Variants in CNTNAP2 observed in about 807,000 individuals in gnomAD.
CNTNAP2 encodes the protein contactin associated protein 2, also known as contactin-associated protein-like 2.
A neutral mutation model predicts 155.2 loss-of-function variants in CNTNAP2; 98 were observed. That is an observed-to-expected ratio of 0.63 (90% CI 0.54 to 0.75). The LOEUF (loss-of-function observed/expected upper bound fraction) is 0.75, where lower values mean the gene tolerates loss of function less well. Ranked by LOEUF, CNTNAP2 falls within the 30% of genes least tolerant of loss-of-function variation. CNTNAP2 has a pLI of 0.00. For synonymous variants in CNTNAP2, 651 were observed against 631.2 expected, an observed-to-expected ratio of 1.03 and a Z score of -0.47; for missense variants, 1,727 against 1,688.1, an observed-to-expected ratio of 1.02 and a Z score of -0.40.
At chr7:147,601,162 G>A (rs967370891) in intron 12 of CNTNAP2, among the ~76,000 whole-genome samples, 1 of 152,098 alleles carries the variant, frequency 6.6e-6, no homozygotes, top group African/African-American at 2.4e-5. Context: ...CCTCCCTCCT[G>A]TGAAATTATT....
intron 1 of CNTNAP2, among the ~76,000 whole-genome samples, chr7:146,165,287 AC>A (rs1250732687): frequency 1.3e-5 from 2 of 152,196 alleles, no homozygotes; most frequent in South Asian, 2.1e-4. Context: ...TAAAAAAGAA[AC>A]CAAAGTTTTC....
intron 8 of CNTNAP2, among the ~76,000 whole-genome samples, chr7:147,153,572 G>A (rs538265349): frequency 2.0e-5 from 3 of 152,150 alleles, no homozygotes; most frequent in African/African-American, 7.2e-5. Context: ...AAGGCCCAAG[G>A]ATAGGAGCCT....
At chr7:146,649,961 G>T (rs986904512) in intron 1 of CNTNAP2, among the ~76,000 whole-genome samples, 2 of 152,108 alleles carry the variant, frequency 1.3e-5, no homozygotes, top group African/African-American at 2.4e-5. Context: ...AACCACAGTG[G>T]GGTACCATCT....
chr7:146,578,125 G>T (rs1269877206), intron 1 of CNTNAP2, among the ~76,000 whole-genome samples: 1 of 152,014 alleles, frequency 6.6e-6, no homozygotes, highest in Non-Finnish European at 1.5e-5. Flanking sequence ...CAGTTTTAAA[G>T]TATCGCTAAG....
chr7:148,082,835 C>T (rs1023098543), intron 15 of CNTNAP2, among the ~76,000 whole-genome samples: 2 of 152,104 alleles, frequency 1.3e-5, no homozygotes, highest in South Asian at 2.1e-4. Context: ...TGTGCCACCA[C>T]GCCCAGCTAA....
chr7:146,558,293 G>GTC (rs1456451745), intron 1 of CNTNAP2, among the ~76,000 whole-genome samples: 5 of 152,050 alleles, frequency 3.3e-5, no homozygotes, highest in African/African-American at 1.2e-4. Flanking sequence ...TGTCACTCAT[G>GTC]AAACATTTCA....
intron 1 of CNTNAP2, among the ~76,000 whole-genome samples, chr7:146,711,062 G>A (rs1008714538): frequency 4.0e-5 from 6 of 151,338 alleles, no homozygotes; most frequent in Non-Finnish European, 7.4e-5. Context: ...ACACAGGTTG[G>A]CAAGATGCAA....
At chr7:146,171,505 TA>T (rs1306308844) in intron 1 of CNTNAP2, among the ~76,000 whole-genome samples, 1 of 152,172 alleles carries the variant, frequency 6.6e-6, no homozygotes, top group Non-Finnish European at 1.5e-5. Context: ...CTCACTTAAT[TA>T]TAATCATTAT....
At chr7:146,950,592 C>A (rs893401236) in intron 3 of CNTNAP2, among the ~76,000 whole-genome samples, 1 of 152,046 alleles carries the variant, frequency 6.6e-6, no homozygotes. Flanking sequence ...TGGTTTCCAC[C>A]TTTATCCATG....
At chr7:146,312,434 A>G (rs1187060007) in intron 1 of CNTNAP2, among the ~76,000 whole-genome samples, 5 of 152,118 alleles carry the variant, frequency 3.3e-5, no homozygotes, top group Admixed American at 1.3e-4. Context: ...TGTAATTAAC[A>G]TATTTTATTG....
At chr7:146,509,410 G>A (rs1484985274) in intron 1 of CNTNAP2, among the ~76,000 whole-genome samples, 1 of 152,184 alleles carries the variant, frequency 6.6e-6, no homozygotes, top group Non-Finnish European at 1.5e-5. Context: ...CATCCCAAAG[G>A]CGAAGCATCT....
chr7:147,380,413 G>C (rs1796516193), intron 9 of CNTNAP2, among the ~76,000 whole-genome samples: 1 of 151,938 alleles, frequency 6.6e-6, no homozygotes, highest in South Asian at 2.1e-4. Context: ...TTTATACCAA[G>C]TGCAGAAAAT....
At chr7:147,966,790 G>T (rs1352511497) in intron 14 of CNTNAP2, among the ~76,000 whole-genome samples, 2 of 152,150 alleles carry the variant, frequency 1.3e-5, no homozygotes, top group Non-Finnish European at 1.5e-5. Flanking sequence ...TGTGTGGAAT[G>T]AAGCCAGCCA....
At chr7:148,282,848 C>T (rs1309773505) in intron 21 of CNTNAP2, among the ~76,000 whole-genome samples, 1 of 151,286 alleles carries the variant, frequency 6.6e-6, no homozygotes. Context: ...TGTCAAAACA[C>T]TTATTTCTGT....
chr7:147,144,144 G>T (rs546641731), intron 8 of CNTNAP2, among the ~76,000 whole-genome samples: 1 of 152,174 alleles, frequency 6.6e-6, no homozygotes, highest in East Asian at 1.9e-4. Context: ...AGTCTGACTT[G>T]CTTTGTTAAG....
intron 8 of CNTNAP2, among the ~76,000 whole-genome samples, chr7:147,269,600 C>A (rs1804693935): frequency 1.3e-5 from 2 of 152,160 alleles, no homozygotes; most frequent in Admixed American, 6.5e-5. Context: ...TTGCTATATT[C>A]CTCTTGTTTT....
Position 146,373,405 on chromosome 7 carries a change from T to TACACACAC in CNTNAP2, c.97+256453_97+256460dup, listed in dbSNP as rs3050924. ...AGAAAAATAAAAGGAACTTAACACA[T>TACACACAC]ACACACACACACACACACACACACA... On this transcript the variant is annotated intron_variant, in intron 1 of 23. Coordinates refer to ENST00000361727, the MANE Select transcript of CNTNAP2 (RefSeq NM_014141.6). Among the ~76,000 whole-genome samples the TACACACAC allele has an allele frequency of 9.1e-3, 1,303 of 143,634 alleles. 17 individuals are homozygous for TACACACAC. Among genetic ancestry groups the TACACACAC allele is most frequent in the African/African-American group, 0.031 (1,248 of 40,242 alleles). The allele number at this position is 143,634 out of a possible 152,430, so 94.2% of individuals were successfully genotyped here. A position where few individuals can be genotyped will look rare whatever the true frequency, so the allele number is the denominator to read the frequency against.
chr7:148,324,493 A>G (rs961631604), intron 21 of CNTNAP2, among the ~76,000 whole-genome samples: 1 of 152,070 alleles, frequency 6.6e-6, no homozygotes, highest in Admixed American at 6.6e-5. Context: ...CCAGAATGTA[A>G]TTTCAAGAGA....
chr7:148,334,574 A>C (rs905807497), intron 21 of CNTNAP2, among the ~76,000 whole-genome samples: 1 of 152,220 alleles, frequency 6.6e-6, no homozygotes, highest in African/African-American at 2.4e-5. Context: ...ACAGTTCTGT[A>C]GCTATGAGAA....
Sources: gnomAD v4.1 joint callset for allele counts (sites outside exome capture counted in the v4.1 genomes callset) on GRCh38, gnomAD v4.1.1 for gene constraint, MANE v1.5 for transcripts, NCBI Gene and HGNC (gene_info 2026-07-23, HGNC 2026-07-21) for gene names.